RECK: variants seen among roughly 807,000 people sequenced by gnomAD.
RECK encodes the protein reversion-inducing cysteine-rich protein with Kazal motifs.
Under a neutral mutation model 115.1 loss-of-function variants are expected in RECK, and 69 were observed. The observed-to-expected ratio is 0.60, with a 90% CI of 0.49 to 0.73. The LOEUF is 0.73. Ranked by LOEUF, RECK falls within the 30% of genes least tolerant of loss-of-function variation. The pLI, the probability that RECK is intolerant of heterozygous loss-of-function variation, is 0.00. For missense variants in RECK, 1,047 were observed against 1,203.7 expected (o/e 0.87, Z 1.93); for synonymous variants, 414 against 419.7 (o/e 0.99, Z 0.17).
At chr9:36,042,173 C>T (rs896594627) in intron 1 of RECK, among the ~76,000 whole-genome samples, 1 of 151,462 alleles carries the variant, frequency 6.6e-6, no homozygotes, top group Non-Finnish European at 1.5e-5. Flanking sequence ...TACAGTGTAC[C>T]CAATGTGCAG....
intron 2 of RECK, among the ~76,000 whole-genome samples, 162 bp downstream of exon 2, chr9:36,052,485 A>G (rs1361287916): frequency 6.6e-6 from 1 of 152,194 alleles, no homozygotes; most frequent in African/African-American, 2.4e-5. Context: ...TAAAAATAAA[A>G]TTATAGAGGC....
At chr9:36,117,281 A>G in intron 17 of RECK, 104 bp downstream of exon 17, 1 of 861,588 alleles carries the variant, frequency 1.2e-6, no homozygotes, top group South Asian at 1.9e-5. Flanking sequence ...TCTTCTGTGA[A>G]TCCTGTCAAA....
At chr9:36,052,430 C>A in intron 2 of RECK, 107 bp downstream of exon 2, 1 of 682,798 alleles carries the variant, frequency 1.5e-6, no homozygotes, top group Non-Finnish European at 2.6e-6. Flanking sequence ...GCCAGGGGTT[C>A]AGGACCAGCC....
intron 5 of RECK, among the ~76,000 whole-genome samples, chr9:36,064,620 G>A (rs1237342477): frequency 1.3e-5 from 2 of 152,192 alleles, no homozygotes; most frequent in Non-Finnish European, 2.9e-5. Context: ...CTTTCACAGA[G>A]ACGACTATCC....
At chr9:36,045,645 G>GAATTATA (rs1268150110) in intron 1 of RECK, among the ~76,000 whole-genome samples, 1 of 148,712 alleles carries the variant, frequency 6.7e-6, no homozygotes, top group East Asian at 2.0e-4. Context: ...TTAACCAACT[G>GAATTATA]AATTATAGCT....
At chr9:36,062,221 G>A (rs1367078877) in intron 4 of RECK, among the ~76,000 whole-genome samples, 1 of 147,138 alleles carries the variant, frequency 6.8e-6, no homozygotes, top group Admixed American at 7.0e-5. Context: ...GAGTGCAATG[G>A]CACAATCTCA....
At chr9:36,071,970 T>C (rs959099371) in intron 6 of RECK, among the ~76,000 whole-genome samples, 1 of 152,210 alleles carries the variant, frequency 6.6e-6, no homozygotes, top group African/African-American at 2.4e-5. Context: ...ATGAATTATG[T>C]TTCCCACAGC....
intron 10 of RECK, among the ~76,000 whole-genome samples, chr9:36,095,597 G>A (rs188261935): frequency 1.8e-4 from 27 of 152,216 alleles, no homozygotes; most frequent in Admixed American, 9.8e-4. Flanking sequence ...TCAAGTATAG[G>A]AAACTGATTT....
At chr9:36,077,304 A>C (rs1020046738) in intron 6 of RECK, among the ~76,000 whole-genome samples, 1 of 152,166 alleles carries the variant, frequency 6.6e-6, no homozygotes, top group Non-Finnish European at 1.5e-5. Flanking sequence ...TTAAAAATTG[A>C]CTAGCTAAGA....
At chr9:36,064,699 T>C (rs1456939006) in intron 5 of RECK, among the ~76,000 whole-genome samples, 1 of 152,198 alleles carries the variant, frequency 6.6e-6, no homozygotes, top group Non-Finnish European at 1.5e-5. Flanking sequence ...GGCATTGAGG[T>C]GAAGCTGAGT....
At chr9:36,101,605 C>G (rs775873821) in intron 11 of RECK, among the ~76,000 whole-genome samples, 31 of 152,156 alleles carry the variant, frequency 2.0e-4, no homozygotes, top group Admixed American at 3.3e-4. Flanking sequence ...GCACAGAAAA[C>G]TTGTAGGAGT....
chr9:36,110,123 C>CT, intron 15 of RECK, 44 bp downstream of exon 15: 1 of 1,565,698 alleles, frequency 6.4e-7, no homozygotes, highest in South Asian at 1.1e-5. Flanking sequence ...GCCATCATTT[C>CT]TTTGCACACA....
intron 17 of RECK, among the ~76,000 whole-genome samples, chr9:36,118,376 G>C (rs889706841): frequency 4.5e-4 from 69 of 152,248 alleles, no homozygotes; most frequent in African/African-American, 1.6e-3. Flanking sequence ...AGCATGAAAT[G>C]ATAAGACCTC....
chr9:36,053,745 AGC>A (rs1821402550), intron 2 of RECK, among the ~76,000 whole-genome samples: 1 of 152,196 alleles, frequency 6.6e-6, no homozygotes, highest in Non-Finnish European at 1.5e-5. Flanking sequence ...ATGAGGCACC[AGC>A]AGCAGGCAAG....
chr9:36,096,986 T>C (rs1823371389), intron 10 of RECK, among the ~76,000 whole-genome samples: 5 of 151,512 alleles, frequency 3.3e-5, no homozygotes, highest in Admixed American at 6.6e-5. Flanking sequence ...CATAAATAAC[T>C]CCTACAACAT....
chr9:36,041,243 G>A (rs1460682329), intron 1 of RECK, among the ~76,000 whole-genome samples: 3 of 152,142 alleles, frequency 2.0e-5, no homozygotes, highest in Admixed American at 6.5e-5. Context: ...AAAAGCATAT[G>A]GTTTCATCAG....
chr9:36,049,419 G>C (rs1433916079), intron 1 of RECK, among the ~76,000 whole-genome samples: 1 of 152,122 alleles, frequency 6.6e-6, no homozygotes, highest in Non-Finnish European at 1.5e-5. Context: ...TCTAGGTCAG[G>C]GGTGTCTAAT....
intron 5 of RECK, 147 bp downstream of exon 5, chr9:36,064,027 C>G (rs1821891549): frequency 1.6e-6 from 1 of 637,156 alleles, no homozygotes; most frequent in Non-Finnish European, 2.8e-6. Context: ...AGACCATTTC[C>G]TTTTAGACTT....
At chr9:36,065,212 C>A (rs1588287945) in intron 5 of RECK, among the ~76,000 whole-genome samples, 2 of 85,532 alleles carry the variant, frequency 2.3e-5, no homozygotes, top group Admixed American at 1.7e-4. Context: ...AAATTTGCTA[C>A]AGAGTGGAAT....
Sources: allele counts gnomAD v4.1 joint callset (sites outside exome capture counted in the v4.1 genomes callset), GRCh38; gene constraint gnomAD v4.1.1; transcripts MANE v1.5; gene names NCBI Gene and HGNC (gene_info 2026-07-23, HGNC 2026-07-21).